The following LRRC43 variants were observed in gnomAD, a reference collection of about 807,000 sequenced individuals.
The protein encoded by LRRC43 is leucine rich repeat containing 43.
In LRRC43, 62 loss-of-function variants were observed where a neutral mutation model predicts 64.3. The observed-to-expected ratio is 0.96, with a 90% CI of 0.79 to 1.19. The LOEUF (loss-of-function observed/expected upper bound fraction) is 1.19. Ranked by LOEUF, LRRC43 falls within the 50% of genes most tolerant of loss-of-function variation. The pLI, the probability that LRRC43 is intolerant of heterozygous loss-of-function variation, is 0.00. For missense variants in LRRC43, 868 were observed against 845.0 expected (o/e 1.03, Z -0.34); for synonymous variants, 422 against 382.3 (o/e 1.10, Z -1.21).
intron 7 of LRRC43, 76 bp downstream of exon 7, chr12:122,193,080 C>T (rs1230896480): frequency 6.7e-7 from 1 of 1,500,648 alleles, no homozygotes. Flanking sequence ...TGCGACCTTC[C>T]ATTAAAAGTC....
upstream of LRRC43, among the ~76,000 whole-genome samples, chr12:122,181,497 T>C (rs1953580622): frequency 6.7e-6 from 1 of 148,174 alleles, no homozygotes; most frequent in Non-Finnish European, 1.5e-5. Flanking sequence ...GAGCCGAGAT[T>C]GCACCACTGC....
intron 1 of LRRC43, among the ~76,000 whole-genome samples, chr12:122,168,509 G>A (rs117781676): frequency 0.029 from 4,431 of 150,890 alleles, 100 homozygotes; most frequent in Middle Eastern, 0.077. Flanking sequence ...GGCTGGTCTC[G>A]AGCTGATCAC....
chr12:122,193,041 A>G (rs756149736), intron 7 of LRRC43, 37 bp downstream of exon 7: 14 of 1,605,064 alleles, frequency 8.7e-6, no homozygotes, highest in East Asian at 2.2e-5. Flanking sequence ...AAGTGGTCAG[A>G]GCAGTAGGGT....
At position 122,203,413 on chromosome 12, in the gene LRRC43, G is replaced by C; in HGVS notation, c.1942G>C (p.Glu648Gln). 1 of 1,612,024 alleles carries C rather than the reference G, an allele frequency of 6.2e-7. No individual in the cohort carries two copies. Among genetic ancestry groups the C allele is most frequent in the Non-Finnish European group, 8.5e-7 (1 of 1,179,640 alleles). The part of the protein sequence containing the change: ...QIQLNQCRSA[E>Q]EALRMFAV ...CCAGCTGAACCAGTGCCGCTCGGCG[G>C]AGGAGGCTCTGCGCATGTTCGCCGT... is the stretch of plus-strand genomic sequence containing the variant. The change falls in exon 12 of 12, where the codon GAG (glutamate) becomes CAG (glutamine). Residue 648 changes from glutamate to glutamine, a missense_variant. Glu to Gln is a conservative substitution (Grantham distance 29). Transcript: ENST00000339777.
upstream of LRRC43, among the ~76,000 whole-genome samples, chr12:122,178,790 G>A (rs1053751807): frequency 6.6e-6 from 1 of 151,760 alleles, no homozygotes; most frequent in Non-Finnish European, 1.5e-5. Context: ...TGTATTTTTA[G>A]TAGAGATGGG....
In LRRC43 at chr12:122,184,773, CAAG is replaced by C. The variant is rs1297528536; in HGVS notation, c.409_411del (p.Lys137del). On this transcript the variant is annotated inframe_deletion, in exon 2 of 12. Transcript: ENST00000339777. This position sits in a 1 kb window ranked among gnomAD's most constrained non-coding sequence, Gnocchi z 4.0. ...ACTTCCGGTCCCTGCGGGTAATAGACAAGAAGGTCAGTGCTGGGCACGTGGTAG... is the reference window on the plus strand; with the variant it reads ...ACTTCCGGTCCCTGCGGGTAATAGACAAGGTCAGTGCTGGGCACGTGGTAG... The C allele has an allele frequency of 5.0e-6, 8 of 1,599,092 alleles. No homozygotes were observed. In the Admixed American group the frequency reaches 7.0e-5, roughly 14 times the overall value.
At chr12:122,174,012 G>A (rs373824671) in intron 1 of LRRC43, 132 of 1,613,530 alleles carry the variant, frequency 8.2e-5, no homozygotes, top group Middle Eastern at 1.6e-4. Context: ...GAACGATGCC[G>A]TGAGCGCATA....
chr12:122,200,393 C>G lies in LRRC43; in HGVS notation c.1491+63C>G, dbSNP rs1338682437. 1.2e-6 allele frequency: 2 copies of G among 1,608,136 alleles called. No individual in the cohort carries two copies. The highest frequency in any genetic ancestry group is 1.7e-6 in the Non-Finnish European group (2 of 1,177,998). On this transcript the variant is annotated intron_variant, in intron 8 of 11. Coordinates refer to ENST00000339777, the MANE Select transcript of LRRC43 (RefSeq NM_001098519.2). The surrounding 1 kb of genome is among the most constrained non-coding windows in gnomAD (Gnocchi z 4.6). ...TGCACTTCTGTCCTTGTTCCTGTTC[C>G]CATCGGGCTGTCCCCCATGGGAGCC...
At chr12:122,183,765 G>A (rs1477826083) in intron 1 of LRRC43, among the ~76,000 whole-genome samples, 1 of 152,142 alleles carries the variant, frequency 6.6e-6, no homozygotes, top group East Asian at 1.9e-4. Flanking sequence ...TCCCTCCCGT[G>A]GCTTCAACCA....
chr12:122,188,279 T>A (rs1953671232), intron 4 of LRRC43, among the ~76,000 whole-genome samples: 1 of 150,604 alleles, frequency 6.6e-6, no homozygotes. Context: ...GCTAATTATT[T>A]TGTATTTTTA....
chr12:122,173,801 T>C (rs199669730), intron 1 of LRRC43: 1 of 1,583,146 alleles, frequency 6.3e-7, no homozygotes, highest in Non-Finnish European at 8.6e-7. Context: ...ATGGAAGGCA[T>C]TTTTAAGAAA....
chr12:122,171,294 G>C (rs1953483246), intron 1 of LRRC43, among the ~76,000 whole-genome samples: 1 of 152,210 alleles, frequency 6.6e-6, no homozygotes, highest in African/African-American at 2.4e-5. Flanking sequence ...GCAAGTGACT[G>C]ACTGACTTCC....
Position 122,183,164 on chromosome 12 carries a change from C to G in LRRC43, c.20C>G (p.Ser7Cys), listed in dbSNP as rs1421904296. ...CGGGCCATGGAGGCGTCGTACGAGT[C>G]CGAGTCCGAGTCCGAGTCTGAGGCC... The part of the protein sequence containing the change: MEASYE[S>C]ESESESEAGP... Residue 7 changes from serine (S) to cysteine (C), a missense_variant, in exon 1 of 12, where the codon TCC (serine) becomes TGC (cysteine). By Grantham distance (112) the Ser-to-Cys change is moderately radical. Coordinates refer to ENST00000339777, the MANE Select transcript of LRRC43 (RefSeq NM_001098519.2). 10 of 1,549,084 alleles carry G rather than the reference C, an allele frequency of 6.5e-6. No individual in the cohort carries two copies. Among genetic ancestry groups the G allele is most frequent in the Non-Finnish European group, 8.7e-6 (10 of 1,154,374 alleles).
At chr12:122,190,563 A>G (rs1198621875) in intron 5 of LRRC43, among the ~76,000 whole-genome samples, 195 bp downstream of exon 5, 1 of 151,986 alleles carries the variant, frequency 6.6e-6, no homozygotes, top group East Asian at 1.9e-4. Flanking sequence ...GGATTTGGAG[A>G]CAGAAGTGAT....
At chr12:122,175,435 G>A (rs1298030692) in intron 1 of LRRC43, among the ~76,000 whole-genome samples, 1 of 151,898 alleles carries the variant, frequency 6.6e-6, no homozygotes, top group Non-Finnish European at 1.5e-5. Context: ...TCAAAGTGCT[G>A]GGATTACAGG....
At position 122,201,340 on chromosome 12, in the gene LRRC43, A is replaced by G; in HGVS notation, c.1843+11A>G. Reference sequence around the variant, plus strand: ...AAGTTGCCAAAAAAGGTGAGTGCCGATGGTGGTGACCAAAGGCAGGGATTG... The same window carrying G: ...AAGTTGCCAAAAAAGGTGAGTGCCGGTGGTGGTGACCAAAGGCAGGGATTG... On this transcript the variant is annotated intron_variant, in intron 11 of 11. Coordinates refer to ENST00000339777, the MANE Select transcript of LRRC43 (RefSeq NM_001098519.2). The G allele has an allele frequency of 6.2e-7, 1 of 1,613,550 alleles. No homozygotes were observed. Among genetic ancestry groups the G allele is most frequent in the African/African-American group, 1.3e-5 (1 of 75,050 alleles).
In LRRC43 at chr12:122,200,263, T is replaced by C; in HGVS notation, c.1424T>C (p.Leu475Pro). 6.2e-7 allele frequency: 1 copy of C among 1,613,898 alleles called. No homozygotes were observed. The highest frequency in any genetic ancestry group is 8.5e-7 in the Non-Finnish European group (1 of 1,180,010). Residue 475 changes from leucine (L) to proline (P), a missense_variant, in exon 8 of 12, where the codon CTC (leucine) becomes CCC (proline). By Grantham distance (98) the Leu-to-Pro change is moderately conservative (BLOSUM62 -3). Coordinates refer to ENST00000339777, the MANE Select transcript of LRRC43 (RefSeq NM_001098519.2). This position sits in a 1 kb window ranked among gnomAD's most constrained non-coding sequence, Gnocchi z 4.6. ...IPCSYEMQHS[L>P]RDLVPLKAFL... Reference sequence around the variant, plus strand: ...TGCAGTTACGAGATGCAGCACTCTCTCAGGGACCTGGTCCCACTGAAGGCC... The same window carrying C: ...TGCAGTTACGAGATGCAGCACTCTCCCAGGGACCTGGTCCCACTGAAGGCC...
intron 1 of LRRC43, among the ~76,000 whole-genome samples, chr12:122,171,195 C>T (rs113172681): frequency 1.3e-5 from 2 of 152,332 alleles, no homozygotes; most frequent in Non-Finnish European, 2.9e-5. Flanking sequence ...GAGGCCCAAC[C>T]ACTGCCCGGG....
chr12:122,172,869 C>T (rs1953501584), intron 1 of LRRC43: 2 of 755,000 alleles, frequency 2.6e-6, no homozygotes, highest in South Asian at 1.9e-5. Flanking sequence ...TGTCACAACC[C>T]TATGAGGCTG....
Sources: gnomAD v4.1 joint callset for allele counts (sites outside exome capture counted in the v4.1 genomes callset) on GRCh38, gnomAD v4.1.1 for gene constraint, Gnocchi (gnomAD v3.1) non-coding constraint, MANE v1.5 for transcripts, NCBI Gene and HGNC (gene_info 2026-07-23, HGNC 2026-07-21) for gene names.